The following CEP128 variants were observed in gnomAD, a reference collection of about 807,000 sequenced individuals.
CEP128 encodes centrosomal protein 128.
In CEP128, 132 loss-of-function variants were observed where a neutral mutation model predicts 156.7. That is an observed-to-expected ratio of 0.84 (90% CI 0.73 to 0.97). The LOEUF (loss-of-function observed/expected upper bound fraction) is 0.97, where lower values mean the gene tolerates loss of function less well. Among genes scored for constraint, CEP128 ranks in the 50% least tolerant of loss-of-function variants. The pLI, the probability that CEP128 is intolerant of heterozygous loss-of-function variation, is 0.00. For missense variants in CEP128, 1,252 were observed against 1,281.9 expected (o/e 0.98, Z 0.36); for synonymous variants, 469 against 448.9 (o/e 1.04, Z -0.57).
At chr14:80,839,071 C>T (rs1304134856) in intron 10 of CEP128, among the ~76,000 whole-genome samples, 20 of 152,266 alleles carry the variant, frequency 1.3e-4, no homozygotes. Flanking sequence ...TGCACTCCAG[C>T]CTGGGCAACA....
At chr14:80,648,489 C>T (rs1894757638) in intron 19 of CEP128, among the ~76,000 whole-genome samples, 2 of 152,000 alleles carry the variant, frequency 1.3e-5, no homozygotes, top group African/African-American at 4.8e-5. Flanking sequence ...ACTAGCCCTC[C>T]TTTGGTATAC....
At chr14:80,817,350 G>C (rs753404583) in intron 13 of CEP128, among the ~76,000 whole-genome samples, 3 of 152,136 alleles carry the variant, frequency 2.0e-5, no homozygotes, top group Non-Finnish European at 4.4e-5. Context: ...AGGAAAGTGT[G>C]ACTTATACAA....
chr14:80,679,505 C>G (rs61979402), intron 19 of CEP128, among the ~76,000 whole-genome samples: 2,270 of 152,288 alleles, frequency 0.015, 26 homozygotes, highest in Non-Finnish European at 0.025. Flanking sequence ...ACAGTACCCT[C>G]AGGCTTACTA....
intron 7 of CEP128, 134 bp from the exon 8 acceptor site, chr14:80,895,924 T>C: frequency 1.5e-6 from 1 of 670,566 alleles, no homozygotes; most frequent in Non-Finnish European, 2.3e-6. Context: ...TATAAACATC[T>C]GAAACACGTG....
intron 2 of CEP128, among the ~76,000 whole-genome samples, chr14:80,930,523 C>T (rs370591357): frequency 2.4e-4 from 36 of 152,218 alleles, no homozygotes; most frequent in African/African-American, 7.0e-4. Flanking sequence ...GCTAAAAGTG[C>T]CAACAAGAAG....
At chr14:80,719,428 A>T (rs1897731060) in intron 19 of CEP128, among the ~76,000 whole-genome samples, 1 of 152,196 alleles carries the variant, frequency 6.6e-6, no homozygotes, top group African/African-American at 2.4e-5. Flanking sequence ...TCTTTGGGCT[A>T]AGCCCCAATT....
At chr14:80,830,335 G>T in intron 13 of CEP128, 3 of 457,560 alleles carry the variant, frequency 6.6e-6, no homozygotes, top group South Asian at 4.4e-5. Flanking sequence ...ATTTCCTTTG[G>T]GTTATATAAA....
At chr14:80,538,435 C>G (rs1251203464) in intron 21 of CEP128, among the ~76,000 whole-genome samples, 3 of 152,096 alleles carry the variant, frequency 2.0e-5, no homozygotes, top group Non-Finnish European at 2.9e-5. Flanking sequence ...ATTTCCTTAT[C>G]CAGTTAACAC....
At chr14:80,769,326 C>T (rs1235861259) in intron 16 of CEP128, among the ~76,000 whole-genome samples, 5 of 149,808 alleles carry the variant, frequency 3.3e-5, no homozygotes, top group Admixed American at 6.7e-5. Context: ...ATGTGCACAA[C>T]GTGCAGGTTT....
At chr14:80,767,506 C>A (rs915857353) in intron 16 of CEP128, among the ~76,000 whole-genome samples, 1 of 151,828 alleles carries the variant, frequency 6.6e-6, no homozygotes, top group Admixed American at 6.6e-5. Flanking sequence ...GAAAAATCTC[C>A]GTGGATTTAC....
chr14:80,606,962 T>C (rs924968256), intron 19 of CEP128, among the ~76,000 whole-genome samples: 3 of 146,410 alleles, frequency 2.0e-5, no homozygotes, highest in Non-Finnish European at 4.5e-5. Context: ...CTTGTTTTGA[T>C]ACACACATAT....
intron 19 of CEP128, among the ~76,000 whole-genome samples, chr14:80,701,845 T>C (rs1037786710): frequency 2.0e-5 from 3 of 152,250 alleles, no homozygotes; most frequent in East Asian, 1.9e-4. Flanking sequence ...CTGGCTTCCT[T>C]GTGGTTCAGC....
In CEP128 at chr14:80,538,717, A is replaced by T. The variant is rs74064234; in HGVS notation, c.2881-7831T>A. On this transcript the variant is annotated intron_variant, in intron 21 of 24. Coordinates refer to ENST00000555265, the MANE Select transcript of CEP128 (RefSeq NM_152446.5). ...ATCAACTCCACTTCATTATTTTTTT[A>T]AATGTAGAATTTGCATGTAATGAAA... Among the ~76,000 whole-genome samples, 1,152 of 152,210 alleles carry T rather than the reference A, an allele frequency of 7.6e-3. 22 individuals carry two copies. Among genetic ancestry groups the T allele is most frequent in the African/African-American group, 0.026 (1,094 of 41,532 alleles).
intron 19 of CEP128, among the ~76,000 whole-genome samples, chr14:80,586,220 A>C (rs1341032286): frequency 2.0e-5 from 3 of 152,218 alleles, no homozygotes; most frequent in African/African-American, 4.8e-5. Flanking sequence ...AGCTGCTTTT[A>C]AGGAAACAGA....
At chr14:80,579,031 C>T (rs1020823903) in intron 20 of CEP128, among the ~76,000 whole-genome samples, 2 of 152,094 alleles carry the variant, frequency 1.3e-5, no homozygotes, top group African/African-American at 4.8e-5. Flanking sequence ...GCAACACAGG[C>T]TATTAAATTT....
chr14:80,936,364 A>G (rs1803069028), intron 2 of CEP128, among the ~76,000 whole-genome samples: 1 of 152,174 alleles, frequency 6.6e-6, no homozygotes, highest in African/African-American at 2.4e-5. Flanking sequence ...CATGAGTTAC[A>G]GAACAAGACT....
At chr14:80,554,065 G>A (rs1890326650) in intron 21 of CEP128, among the ~76,000 whole-genome samples, 1 of 152,162 alleles carries the variant, frequency 6.6e-6, no homozygotes, top group Non-Finnish European at 1.5e-5. Flanking sequence ...TTATGATGAT[G>A]ATGGTGGTGG....
intron 21 of CEP128, among the ~76,000 whole-genome samples, chr14:80,546,560 AAAG>A (rs1401255339): frequency 6.6e-6 from 1 of 152,224 alleles, no homozygotes; most frequent in Admixed American, 6.5e-5. Flanking sequence ...AGTTCTTGGA[AAAG>A]AAGATGTAAA....
At chr14:80,586,418 C>T (rs1478579521) in intron 19 of CEP128, among the ~76,000 whole-genome samples, 2 of 152,162 alleles carry the variant, frequency 1.3e-5, no homozygotes, top group Non-Finnish European at 2.9e-5. Flanking sequence ...TGTCACATAG[C>T]TAGTTAATGG....
Sources: gnomAD v4.1 joint callset for allele counts (sites outside exome capture counted in the v4.1 genomes callset) on GRCh38, gnomAD v4.1.1 for gene constraint, MANE v1.5 for transcripts, NCBI Gene and HGNC (gene_info 2026-07-23, HGNC 2026-07-21) for gene names.